UVRAG: variants seen among roughly 807,000 people sequenced by gnomAD.
The protein encoded by UVRAG is UV radiation resistance associated, also known as UV radiation resistance-associated gene protein.
In UVRAG, 19 loss-of-function variants were observed where a neutral mutation model predicts 78.0. The ratio of observed to expected loss-of-function variants is 0.24; its 90% CI spans 0.17 to 0.36. The LOEUF (loss-of-function observed/expected upper bound fraction) is 0.36, where lower values mean the gene tolerates loss of function less well. UVRAG is among the 10% of genes least tolerant of loss of function. UVRAG has a pLI of 1.00. For synonymous variants in UVRAG, 323 were observed against 324.6 expected, an observed-to-expected ratio of 1.00 and a Z score of 0.05; for missense variants, 740 against 853.8, an observed-to-expected ratio of 0.87 and a Z score of 1.66.
intron 13 of UVRAG, 70 bp downstream of exon 13, chr11:76,065,858 T>C: frequency 6.8e-7 from 1 of 1,464,878 alleles, no homozygotes; most frequent in East Asian, 2.3e-5. Context: ...GCCAGCCTTT[T>C]TTCTTTATAA....
At position 76,143,406 on chromosome 11, in the gene UVRAG, T is replaced by C. The variant is rs1262428612; in HGVS notation, c.*1993T>C. Among the ~76,000 whole-genome samples, 1 of 152,238 alleles carries C rather than the reference T, an allele frequency of 6.6e-6. No homozygotes were observed. The highest frequency in any genetic ancestry group is 2.4e-5 in the African/African-American group (1 of 41,470). On this transcript the variant is annotated 3_prime_UTR_variant, in exon 15 of 15. Transcript: ENST00000356136. ...TCAGGCCCACACAACCATGAGAGCC[T>C]GGACTCTGGGGTCTACCCGTCAGTG...
At chr11:75,988,386 G>A (rs1175104617) in intron 8 of UVRAG, among the ~76,000 whole-genome samples, 2 of 152,016 alleles carry the variant, frequency 1.3e-5, no homozygotes. Context: ...TTTATATCTG[G>A]CTCTTTTTCA....
At position 75,861,730 on chromosome 11, in the gene UVRAG, T is replaced by C; in HGVS notation, c.236-16T>C. Reference sequence around the variant, plus strand: ...TTCTTTCATATCACTTATTGTTCTTTTTTCTTCTTTTCCAGAATTTTATAG... The same window carrying C: ...TTCTTTCATATCACTTATTGTTCTTCTTTCTTCTTTTCCAGAATTTTATAG... On this transcript the variant is annotated splice_polypyrimidine_tract_variant and intron_variant, in intron 2 of 14. Coordinates refer to ENST00000356136, the MANE Select transcript of UVRAG (RefSeq NM_003369.4). The C allele has an allele frequency of 6.3e-7, 1 of 1,589,162 alleles. No individual in the cohort carries two copies. The highest frequency in any genetic ancestry group is 8.6e-7 in the Non-Finnish European group (1 of 1,160,266).
chr11:76,010,362 A>G (rs1334901518), intron 11 of UVRAG, among the ~76,000 whole-genome samples: 1 of 152,246 alleles, frequency 6.6e-6, no homozygotes, highest in Non-Finnish European at 1.5e-5. Flanking sequence ...CTAAGTAACT[A>G]GCAAGTATTT....
rs150688808 is a variant in UVRAG, at chr11:76,015,858, C to T, written c.1061-957C>T. Among the ~76,000 whole-genome samples, 6 of 152,316 alleles carry T rather than the reference C, an allele frequency of 3.9e-5. No individual in the cohort carries two copies. The East Asian group carries it at 1.2e-3, about 29-fold the overall frequency. ...GGCATGGTCATTGTGATCATTTCAG[C>T]CCTTCTTCTCTAGCCAGATGGGATA... On this transcript the variant is annotated intron_variant, in intron 11 of 14. Transcript: ENST00000356136.
At chr11:76,058,294 G>T (rs1951019405) in intron 12 of UVRAG, among the ~76,000 whole-genome samples, 1 of 152,052 alleles carries the variant, frequency 6.6e-6, no homozygotes, top group South Asian at 2.1e-4. Context: ...ACTTTGGGAG[G>T]CTGAAGTGGG....
At chr11:76,113,969 G>T (rs1952130515) in intron 13 of UVRAG, among the ~76,000 whole-genome samples, 1 of 152,170 alleles carries the variant, frequency 6.6e-6, no homozygotes, top group Middle Eastern at 3.4e-3. Flanking sequence ...TTTCACTGTG[G>T]TCTCTGAAAA....
chr11:76,076,957 C>T (rs1951415402), intron 13 of UVRAG, among the ~76,000 whole-genome samples: 1 of 149,888 alleles, frequency 6.7e-6, no homozygotes, highest in South Asian at 2.1e-4. Context: ...GTCAAGGCTG[C>T]AGTGAGCTGT....
At chr11:75,901,648 T>C (rs1947502631) in intron 5 of UVRAG, among the ~76,000 whole-genome samples, 1 of 152,234 alleles carries the variant, frequency 6.6e-6, no homozygotes, top group Non-Finnish European at 1.5e-5. Context: ...CTACTGATGG[T>C]GGCTGCTACT....
intron 13 of UVRAG, among the ~76,000 whole-genome samples, chr11:76,115,510 C>A (rs1952161191): frequency 6.6e-6 from 1 of 152,188 alleles, no homozygotes; most frequent in Non-Finnish European, 1.5e-5. Flanking sequence ...TGGAAGCTGG[C>A]AATATCTAAA....
chr11:76,036,385 T>TA (rs1275701867), intron 12 of UVRAG, among the ~76,000 whole-genome samples: 2 of 151,692 alleles, frequency 1.3e-5, no homozygotes, highest in Non-Finnish European at 2.9e-5. Flanking sequence ...ACCCCATCCC[T>TA]AAAAAAATAG....
chr11:75,926,079 G>A (rs1433249654), intron 6 of UVRAG, among the ~76,000 whole-genome samples: 3 of 151,828 alleles, frequency 2.0e-5, no homozygotes, highest in Non-Finnish European at 4.4e-5. Flanking sequence ...AAATGAGCCA[G>A]GAATTACTTA....
At chr11:75,961,657 T>A in intron 7 of UVRAG, 108 bp downstream of exon 7, 1 of 781,588 alleles carries the variant, frequency 1.3e-6, no homozygotes, top group Non-Finnish European at 1.9e-6. Flanking sequence ...TTTATCTTCT[T>A]AATTGTCCAC....
chr11:76,079,928 A>G (rs1269961988), intron 13 of UVRAG, among the ~76,000 whole-genome samples: 1 of 152,176 alleles, frequency 6.6e-6, no homozygotes, highest in Non-Finnish European at 1.5e-5. Flanking sequence ...TGGACTAGGT[A>G]ATTAATAAAG....
chr11:76,077,248 G>A (rs777780875), intron 13 of UVRAG, among the ~76,000 whole-genome samples: 26 of 151,046 alleles, frequency 1.7e-4, no homozygotes, highest in Non-Finnish European at 2.2e-4. Context: ...TTTATACATA[G>A]TTTTTTCCAA....
chr11:76,097,206 C>T (rs1951800106), intron 13 of UVRAG, among the ~76,000 whole-genome samples: 2 of 152,144 alleles, frequency 1.3e-5, no homozygotes, highest in South Asian at 4.1e-4. Flanking sequence ...TCACTGTCAT[C>T]AGGCATGCTC....
At chr11:75,877,196 CAGA>C (rs1353693259) in intron 3 of UVRAG, among the ~76,000 whole-genome samples, 1 of 152,104 alleles carries the variant, frequency 6.6e-6, no homozygotes, top group Non-Finnish European at 1.5e-5. Flanking sequence ...GATCCCAAGA[CAGA>C]AGAATTTTTC....
rs1476296787 is a variant in UVRAG at position 76,142,518 on chromosome 11, A to G, written c.*1105A>G. ...TTCGAAGTCCAGTTGTCATTCCCGCATTCAGATTTCATTTGCTGTTGCTTT... is the reference window on the plus strand; with the variant it reads ...TTCGAAGTCCAGTTGTCATTCCCGCGTTCAGATTTCATTTGCTGTTGCTTT... On this transcript the variant is annotated 3_prime_UTR_variant, in exon 15 of 15. Coordinates refer to ENST00000356136, the MANE Select transcript of UVRAG (RefSeq NM_003369.4). 6.6e-6 allele frequency: 1 copy of G among 152,668 alleles called. No individual in the cohort carries two copies. The highest frequency in any genetic ancestry group is 1.9e-4 in the East Asian group (1 of 5,204). The allele number at this position is 152,668 out of a possible 1,614,324, so 9.5% of individuals were successfully genotyped here. A position where few individuals can be genotyped will look rare whatever the true frequency, so the allele number is the denominator to read the frequency against.
chr11:76,074,638 G>C (rs1565149516), intron 13 of UVRAG, among the ~76,000 whole-genome samples: 5 of 152,324 alleles, frequency 3.3e-5, no homozygotes, highest in East Asian at 3.9e-4. Context: ...AAATTGAGCT[G>C]CTGCTATGCT....
Sources: gnomAD v4.1 joint callset for allele counts (sites outside exome capture counted in the v4.1 genomes callset) on GRCh38, gnomAD v4.1.1 for gene constraint, MANE v1.5 for transcripts, NCBI Gene and HGNC (gene_info 2026-07-23, HGNC 2026-07-21) for gene names.